Variants in PIK3R2 observed in about 807,000 individuals in gnomAD.
PIK3R2 encodes phosphatidylinositol 3-kinase regulatory subunit beta.
In PIK3R2, 40 loss-of-function variants were observed where a neutral mutation model predicts 78.5. The observed-to-expected ratio is 0.51, with a 90% confidence interval of 0.40 to 0.66. The LOEUF (loss-of-function observed/expected upper bound fraction) is 0.66, where lower values mean the gene tolerates loss of function less well. Ranked by LOEUF, PIK3R2 falls within the 30% of genes least tolerant of loss-of-function variation. The pLI is 0.00. For missense variants in PIK3R2, 880 were observed against 1,026.6 expected, an observed-to-expected ratio of 0.86 and a Z score of 1.95; for synonymous variants, 473 against 457.7, an observed-to-expected ratio of 1.03 and a Z score of -0.43.
At chr19:18,153,551 C>T (rs1462359584) in intron 1 of PIK3R2, among the ~76,000 whole-genome samples, 1 of 152,120 alleles carries the variant, frequency 6.6e-6, no homozygotes, top group Admixed American at 6.5e-5. Context: ...GCCGAGGCCC[C>T]AAATGAAGGG....
intron 11 of PIK3R2, 133 bp downstream of exon 11, chr19:18,163,521 C>G (rs1416171253): frequency 1.1e-6 from 1 of 901,410 alleles, no homozygotes. Context: ...CACTTAGCAC[C>G]AAGGGCTGTT....
rs959396387 is a variant in PIK3R2 at position 18,156,677 on chromosome 19, G to C, written c.322+476G>C. Among the ~76,000 whole-genome samples the C allele has an allele frequency of 6.6e-6, 1 of 152,130 alleles. No individual in the cohort carries two copies. Among genetic ancestry groups the C allele is most frequent in the Non-Finnish European group, 1.5e-5 (1 of 68,024 alleles). On this transcript the variant is annotated intron_variant, in intron 2 of 15. Coordinates refer to ENST00000222254, the MANE Select transcript of PIK3R2 (RefSeq NM_005027.4). The surrounding 1 kb of genome is among the most constrained non-coding windows in gnomAD (Gnocchi z 4.2). ...GCTTCATCCTGCCTTTTGCAGACAG[G>C]GTCCCTTGAAGAACCCCTTTGGAGA...
chr19:18,158,165 C>A (rs1479122992), intron 2 of PIK3R2, among the ~76,000 whole-genome samples: 2 of 152,162 alleles, frequency 1.3e-5, no homozygotes, highest in Non-Finnish European at 2.9e-5. Context: ...TCTTTTCTTT[C>A]CTTTCAACCA....
rs2043747059 is a variant in PIK3R2 at position 18,161,562 on chromosome 19, C to T, written c.815+67C>T. On this transcript the variant is annotated intron_variant, in intron 6 of 15. Transcript: ENST00000222254. This position sits in a 1 kb window ranked among gnomAD's most constrained non-coding sequence, Gnocchi z 5.3. The stretch of plus-strand genomic sequence containing the variant: ...TGGGGTGGGGCGGGCGGGGCATGGC[C>T]AGAGTGAGCGGCGTCTAGACCCTAA... 1.9e-6 allele frequency: 1 copy of T among 517,326 alleles called. No individual in the cohort carries two copies. The highest frequency in any genetic ancestry group is 2.9e-6 in the Non-Finnish European group (1 of 340,944). The allele number at this position is 517,326 out of a possible 1,614,324, so 32.0% of individuals were successfully genotyped here. A position where few individuals can be genotyped will look rare whatever the true frequency, so the allele number is the denominator to read the frequency against.
chr19:18,169,415 T>G lies in PIK3R2; in HGVS notation c.*121T>G, dbSNP rs925918499. The G allele has an allele frequency of 4.6e-6, 2 of 437,364 alleles. No individual in the cohort carries two copies. The highest frequency in any genetic ancestry group is 7.5e-6 in the Non-Finnish European group (2 of 267,648). 27.1% of individuals were successfully genotyped at this position (437,364 alleles called of 1,614,324 possible). A position where few individuals can be genotyped will look rare whatever the true frequency, so the allele number is the denominator to read the frequency against. ...GGGTCCTCATTTCTCCGGCTCTGGC[T>G]CTTGTTTGGGGTTCTCTCACCCTCT... On this transcript the variant is annotated 3_prime_UTR_variant, in exon 16 of 16. Coordinates refer to ENST00000222254, the MANE Select transcript of PIK3R2 (RefSeq NM_005027.4).
At chr19:18,157,191 C>T (rs887265774) in intron 2 of PIK3R2, among the ~76,000 whole-genome samples, 2 of 152,164 alleles carry the variant, frequency 1.3e-5, no homozygotes, top group Non-Finnish European at 2.9e-5. Flanking sequence ...TGAGGTGGTG[C>T]GACGCTGGCC....
chr19:18,165,506 TG>T (rs1338736743), intron 11 of PIK3R2, among the ~76,000 whole-genome samples: 2 of 152,120 alleles, frequency 1.3e-5, no homozygotes, highest in South Asian at 2.1e-4. Flanking sequence ...TGCTCCAGCC[TG>T]GGCGACAAGA....
chr19:18,160,847 A>T, intron 3 of PIK3R2, 72 bp from the exon 4 acceptor site: 6 of 1,520,288 alleles, frequency 3.9e-6, no homozygotes, highest in Non-Finnish European at 5.4e-6. Flanking sequence ...AGGGGGGTTG[A>T]GCGGCCAGTC....
Position 18,168,908 on chromosome 19 carries a change from G to T in PIK3R2, c.1979+12G>T. On this transcript the variant is annotated intron_variant, in intron 15 of 15. Coordinates refer to ENST00000222254, the MANE Select transcript of PIK3R2 (RefSeq NM_005027.4). This position sits in a 1 kb window ranked among gnomAD's most constrained non-coding sequence, Gnocchi z 4.1. ...GCCTGCTCCGTGGTGTGAGTGGACCGCAGCGGTGGGGATTCCCGCGTCCCT... is the reference window on the plus strand; with the variant it reads ...GCCTGCTCCGTGGTGTGAGTGGACCTCAGCGGTGGGGATTCCCGCGTCCCT... The T allele has an allele frequency of 6.2e-7, 1 of 1,607,516 alleles. No homozygotes were observed. The highest frequency in any genetic ancestry group is 8.5e-7 in the Non-Finnish European group (1 of 1,176,850).
Position 18,167,762 on chromosome 19 carries a change from G to A in PIK3R2, c.1736+456G>A, listed in dbSNP as rs373307008. ...CGCCTGTAATCCCAGTTACTCAAGA[G>A]GCTGAGGCAGGAGAATCACTTGAAC... is the stretch of plus-strand genomic sequence containing the variant. On this transcript the variant is annotated intron_variant, in intron 13 of 15. Transcript: ENST00000222254. This position sits in a 1 kb window ranked among gnomAD's most constrained non-coding sequence, Gnocchi z 4.5. Among the ~76,000 whole-genome samples, 3 of 152,146 alleles carry A rather than the reference G, an allele frequency of 2.0e-5. No individual in the cohort carries two copies. In the East Asian group the frequency reaches 5.8e-4, roughly 29 times the overall value.
In PIK3R2 at chr19:18,169,567, G is replaced by T; in HGVS notation, c.*273G>T. The T allele has an allele frequency of 3.3e-6, 1 of 307,474 alleles. No homozygotes were observed. 19.0% of individuals were successfully genotyped at this position (307,474 alleles called of 1,614,324 possible). A position where few individuals can be genotyped will look rare whatever the true frequency, so the allele number is the denominator to read the frequency against. ...CCACCCCATATCTACGTGTCCTCCG[G>T]GCATTGCCCTCTCCATGGCTCTGGT... On this transcript the variant is annotated 3_prime_UTR_variant, in exon 16 of 16. Coordinates refer to ENST00000222254, the MANE Select transcript of PIK3R2 (RefSeq NM_005027.4).
Position 18,163,441 on chromosome 19 carries a change from A to G in PIK3R2, c.1416+53A>G, listed in dbSNP as rs2043774227. 2.5e-6 allele frequency: 4 copies of G among 1,607,710 alleles called. No individual in the cohort carries two copies. In the African/African-American group the frequency reaches 5.3e-5, roughly 21 times the overall value. On this transcript the variant is annotated intron_variant, in intron 11 of 15. Transcript: ENST00000222254. ...ACCGAGACATAGAGGGGCAGTGGCA[A>G]GGCCGGGAGCAGGATGACCAACCCC... is the stretch of plus-strand genomic sequence containing the variant.
In PIK3R2 at chr19:18,161,383, C is replaced by G; in HGVS notation, c.703C>G (p.Arg235Gly). 2 of 1,236,496 alleles carry G rather than the reference C, an allele frequency of 1.6e-6. No individual in the cohort carries two copies. The highest frequency in any genetic ancestry group is 2.0e-6 in the Non-Finnish European group (2 of 990,530). 76.6% of individuals were successfully genotyped at this position (1,236,496 alleles called of 1,614,324 possible). ...CCAGCACCTGGGCCGCGTGGCCAGC[C>G]GCGCCCCGGCCCTGGGTCCCGCGGT... is the stretch of plus-strand genomic sequence containing the variant. Reference protein sequence around the residue: ...LLQHLGRVASRAPALGPAVRA... With the variant: ...LLQHLGRVASGAPALGPAVRA... The change falls in exon 6 of 16, where the codon CGC becomes GGC. Residue 235 changes from arginine (R) to glycine (G), a missense_variant. This residue lies in a region of PIK3R2 where 456 missense variants were observed against 486.6 expected (regional missense o/e 0.94). Transcript: ENST00000222254. The surrounding 1 kb of genome is among the most constrained non-coding windows in gnomAD (Gnocchi z 5.3).
chr19:18,170,169 C>T lies in PIK3R2; in HGVS notation c.*875C>T, dbSNP rs934388852. On this transcript the variant is annotated 3_prime_UTR_variant, in exon 16 of 16. Transcript: ENST00000222254. ...GTTGCAGTGAGCAGAGATCGTGCCA[C>T]TGCACTCCAGCCTGGGTAACAGAGG... is the stretch of plus-strand genomic sequence containing the variant. 4 of 153,998 alleles carry T rather than the reference C, an allele frequency of 2.6e-5. No homozygotes were observed. The highest frequency in any genetic ancestry group is 9.6e-5 in the African/African-American group (4 of 41,480). 9.5% of individuals were successfully genotyped at this position (153,998 alleles called of 1,614,324 possible).
intron 11 of PIK3R2, among the ~76,000 whole-genome samples, chr19:18,165,053 C>T (rs984674204): frequency 1.3e-5 from 2 of 151,012 alleles, no homozygotes; most frequent in African/African-American, 2.4e-5. Context: ...CATGGTGAAA[C>T]CCCATCTCTA....
chr19:18,168,747 C>G lies in PIK3R2; in HGVS notation c.1830C>G (p.Asp610Glu). The G allele has an allele frequency of 5.6e-6, 9 of 1,613,332 alleles. No individual in the cohort carries two copies. The highest frequency in any genetic ancestry group is 7.6e-6 in the Non-Finnish European group (9 of 1,179,668). Residue 610 changes from aspartate to glutamate, a missense_variant, in exon 15 of 16, where the codon GAC (aspartate) becomes GAG (glutamate). Coordinates refer to ENST00000222254, the MANE Select transcript of PIK3R2 (RefSeq NM_005027.4). The surrounding 1 kb of genome is among the most constrained non-coding windows in gnomAD (Gnocchi z 4.1). The stretch of plus-strand genomic sequence containing the variant: ...CCAGCCAGTACGCACTCATGGAGGA[C>G]GAGGACGATCTCCCGCACCACGAGG... ...ETEDQYALME[D>E]EDDLPHHEER...
intron 2 of PIK3R2, among the ~76,000 whole-genome samples, chr19:18,158,013 C>T (rs1306812686): frequency 2.0e-5 from 3 of 152,210 alleles, no homozygotes; most frequent in Non-Finnish European, 4.4e-5. Flanking sequence ...GGGGTTTCAG[C>T]TTTTCCAAAA....
Position 18,168,712 on chromosome 19 carries a change from G to GCCCCC in PIK3R2, c.1809-12_1809-8dup. ...AGTGACCAGGGCCCTCCCCGCCACC[G>GCCCCC]CCCCCCACCCCAGCCAGTACGCACT... On this transcript the variant is annotated splice_polypyrimidine_tract_variant and intron_variant, in intron 14 of 15. Transcript: ENST00000222254. This position sits in a 1 kb window ranked among gnomAD's most constrained non-coding sequence, Gnocchi z 4.1. 1 of 905,464 alleles carries GCCCCC rather than the reference G, an allele frequency of 1.1e-6. No individual in the cohort carries two copies. Among genetic ancestry groups the GCCCCC allele is most frequent in the Non-Finnish European group, 1.7e-6 (1 of 583,836 alleles). 56.1% of individuals were successfully genotyped at this position (905,464 alleles called of 1,614,324 possible). A position where few individuals can be genotyped will look rare whatever the true frequency, so the allele number is the denominator to read the frequency against.
rs190904075 is a variant in PIK3R2 at position 18,161,558 on chromosome 19, T to G, written c.815+63T>G. ...AGTTTGGGGTGGGGCGGGCGGGGCA[T>G]GGCCAGAGTGAGCGGCGTCTAGACC... On this transcript the variant is annotated intron_variant, in intron 6 of 15. Transcript: ENST00000222254. The surrounding 1 kb of genome is among the most constrained non-coding windows in gnomAD (Gnocchi z 5.3). The G allele has an allele frequency of 3.7e-3, 1,847 of 501,752 alleles. 10 individuals are homozygous for G. The highest frequency in any genetic ancestry group is 4.6e-3 in the Non-Finnish European group (1,517 of 327,478). 31.1% of individuals were successfully genotyped at this position (501,752 alleles called of 1,614,324 possible). A position where few individuals can be genotyped will look rare whatever the true frequency, so the allele number is the denominator to read the frequency against.
Sources: gnomAD v4.1 joint callset for allele counts (sites outside exome capture counted in the v4.1 genomes callset) on GRCh38, gnomAD v4.1.1 for gene constraint, gnomAD v4.1.1 regional missense constraint, Gnocchi (gnomAD v3.1) non-coding constraint, MANE v1.5 for transcripts, NCBI Gene and HGNC (gene_info 2026-07-23, HGNC 2026-07-21) for gene names.